ZNF814: variants seen among roughly 807,000 people sequenced by gnomAD.
The protein encoded by ZNF814 is zinc finger protein 814.
ZNF814 carries 5 observed loss-of-function variants against 7.5 expected under a neutral mutation model. The observed-to-expected ratio is 0.67, with a 90% confidence interval of 0.35 to 1.40. ZNF814 has a LOEUF of 1.40. Ranked by LOEUF, ZNF814 falls within the 40% of genes most tolerant of loss-of-function variation. The pLI is 0.04. For missense variants in ZNF814, 962 were observed against 1,018.0 expected (o/e 0.94, Z 0.75); for synonymous variants, 315 against 340.7 (o/e 0.92, Z 0.83).
At chr19:57,888,387 A>G (rs2071710415) in intron 1 of ZNF814, among the ~76,000 whole-genome samples, 1 of 151,918 alleles carries the variant, frequency 6.6e-6, no homozygotes, top group African/African-American at 2.4e-5. Flanking sequence ...GATTATCTCT[A>G]CCCTTACAAT....
chr19:57,892,591 T>C (rs1600142450), upstream of ZNF814, among the ~76,000 whole-genome samples: 1 of 152,210 alleles, frequency 6.6e-6, no homozygotes, highest in Non-Finnish European at 1.5e-5. Flanking sequence ...CTGATGGCTA[T>C]GGGTGACAGG....
At chr19:57,898,324 T>C in the ZNF814 span, among the ~76,000 whole-genome samples, 4 of 152,202 alleles carry the variant, frequency 2.6e-5, no homozygotes, top group Non-Finnish European at 4.4e-5. Flanking sequence ...TGGATCAGTA[T>C]AGTAATAACA....
At chr19:57,885,922 G>A (rs2071687946) in intron 1 of ZNF814, 1 of 147,520 alleles carries the variant, frequency 6.8e-6, no homozygotes, top group Admixed American at 6.8e-5. Flanking sequence ...GTTGTGGTGA[G>A]CTGTGATCAC....
intron 1 of ZNF814, among the ~76,000 whole-genome samples, chr19:57,879,173 C>T (rs1335107781): frequency 4.0e-5 from 6 of 148,352 alleles, no homozygotes; most frequent in Non-Finnish European, 8.9e-5. Context: ...CTAAAAGGAG[C>T]GGTGGTCTCA....
At chr19:57,894,691 G>T in the ZNF814 span, among the ~76,000 whole-genome samples, 1 of 151,698 alleles carries the variant, frequency 6.6e-6, no homozygotes, top group Non-Finnish European at 1.5e-5. Flanking sequence ...AAAATTAGCC[G>T]GGCGTGGTGG....
chr19:57,873,008 G>T lies in ZNF814; in HGVS notation c.2382C>A (p.His794Gln), dbSNP rs753985045. 4 of 1,613,948 alleles carry T rather than the reference G, an allele frequency of 2.5e-6. No homozygotes were observed. In the Admixed American group the frequency reaches 6.7e-5, roughly 27 times the overall value. Residue 794 changes from histidine to glutamine, a missense_variant, in exon 3 of 3, where the codon CAC (histidine) becomes CAA (glutamine). Physicochemically the swap from His to Gln is conservative, Grantham distance 24. Transcript: ENST00000435989. ...TGCACTCATAAGGCTTTTCTCCAGT[G>T]TGAACTCTTTTGTGTTTTGTGAAAC... ...SSSFTKHKRV[H>Q]TGEKPYECSE...
chr19:57,898,444 A>G, the ZNF814 span, among the ~76,000 whole-genome samples: 3 of 152,230 alleles, frequency 2.0e-5, no homozygotes, highest in Non-Finnish European at 4.4e-5. Context: ...ATCGAACCGC[A>G]TTAGGGTATC....
At chr19:57,902,214 G>A in the ZNF814 span, among the ~76,000 whole-genome samples, 3 of 152,182 alleles carry the variant, frequency 2.0e-5, no homozygotes, top group African/African-American at 4.8e-5. Flanking sequence ...AGGTGTGGAC[G>A]CTTGGCATTG....
In ZNF814 at chr19:57,873,163, GCC is replaced by G; in HGVS notation, c.2225_2226del (p.Arg742ThrfsTer3). On this transcript the variant is annotated frameshift_variant, in exon 3 of 3. Coordinates refer to ENST00000435989, the MANE Select transcript of ZNF814 (RefSeq NM_001144989.2). LOFTEE classifies it low-confidence loss of function (END_TRUNC). ...IAHQRVHTGE[R>X]PYECNDCGKS... ...TTTCCACAATCATTGCATTCATAAG[GCC>G]TTTCTCCAGTGTGAACTCTCTGATG... 6.2e-7 allele frequency: 1 copy of G among 1,613,668 alleles called. No individual in the cohort carries two copies. Among genetic ancestry groups the G allele is most frequent in the Non-Finnish European group, 8.5e-7 (1 of 1,179,888 alleles).
rs967503745 is a variant in ZNF814 at position 57,871,036 on chromosome 19, C to T, written c.*1786G>A. On this transcript the variant is annotated 3_prime_UTR_variant, in exon 3 of 3. Transcript: ENST00000435989. ...ATGAGTTGCAGTTACATTATTCTGT[C>T]TCCTCCACTGCCTATAAATAAAGTA... The T allele has an allele frequency of 3.3e-5, 5 of 152,086 alleles. No individual in the cohort carries two copies. The highest frequency in any genetic ancestry group is 1.2e-4 in the African/African-American group (5 of 41,428). 9.4% of individuals were successfully genotyped at this position (152,086 alleles called of 1,614,324 possible).
chr19:57,893,420 C>T (rs905502128), upstream of ZNF814, among the ~76,000 whole-genome samples: 3 of 151,682 alleles, frequency 2.0e-5, no homozygotes, highest in Non-Finnish European at 1.5e-5. Context: ...GTGATCTGCC[C>T]GCCTGGGCCC....
intron 1 of ZNF814, among the ~76,000 whole-genome samples, chr19:57,887,465 T>C (rs1321288656): frequency 1.3e-5 from 2 of 152,240 alleles, no homozygotes; most frequent in Non-Finnish European, 2.9e-5. Flanking sequence ...CGTTTGCTCC[T>C]ATATCTTTTT....
chr19:57,872,941 T>C lies in ZNF814; in HGVS notation c.2449A>G (p.Lys817Glu). ...TCTCCAGTGTGAACTCTCTTGTGTT[T>C]AGTGAGACTGGAGCTTTCAGCAAAA... ...KSFAESSSLT[K>E]HKRVHTGEKP... Residue 817 changes from lysine to glutamate, a missense_variant, in exon 3 of 3, where the codon AAA becomes GAA. Lys to Glu is a moderately conservative substitution (Grantham distance 56, BLOSUM62 1). Around this residue, in one of 7 missense-constraint regions of ZNF814, gnomAD observed 665 missense variants for 551.4 expected, o/e 1.21. Transcript: ENST00000435989. 6.2e-7 allele frequency: 1 copy of C among 1,613,588 alleles called. No homozygotes were observed. Among genetic ancestry groups the C allele is most frequent in the Non-Finnish European group, 8.5e-7 (1 of 1,179,850 alleles).
At chr19:57,886,956 G>C (rs2071698616) in intron 1 of ZNF814, among the ~76,000 whole-genome samples, 1 of 152,080 alleles carries the variant, frequency 6.6e-6, no homozygotes, top group Admixed American at 6.6e-5. Flanking sequence ...GGGAGGCTGA[G>C]GCGGGCGGAT....
In ZNF814 at chr19:57,873,377, G is replaced by T. The variant is rs769258910; in HGVS notation, c.2013C>A (p.His671Gln). Residue 671 changes from histidine to glutamine, a missense_variant, in exon 3 of 3, where the codon CAC (histidine) becomes CAA (glutamine). This residue lies in a region of ZNF814 where 665 missense variants were observed against 551.4 expected (regional missense o/e 1.21). Coordinates refer to ENST00000435989, the MANE Select transcript of ZNF814 (RefSeq NM_001144989.2). ...KCGECGKCFSHKGNLILHQHG... is the reference protein window; with the variant it reads ...KCGECGKCFSQKGNLILHQHG... Reference sequence around the variant, plus strand: ...GCTGGTGTAGAATGAGGTTACCCTTGTGACTAAAACATTTCCCACATTCCC... The same window carrying T: ...GCTGGTGTAGAATGAGGTTACCCTTTTGACTAAAACATTTCCCACATTCCC... 1 of 1,604,904 alleles carries T rather than the reference G, an allele frequency of 6.2e-7. No individual in the cohort carries two copies.
chr19:57,890,734 T>G (rs981741194), upstream of ZNF814, among the ~76,000 whole-genome samples: 8 of 152,180 alleles, frequency 5.3e-5, no homozygotes, highest in African/African-American at 1.9e-4. Flanking sequence ...GTTTACAGTC[T>G]TGTGGCCCCT....
rs372333305 is a variant in ZNF814, at chr19:57,869,487, A to C, written c.*3335T>G. ...CATTGGTTGTCTGGAGAACAGAAAGAAAGCCTTTATAAAAAGGTTCCAAGT... is the reference window on the plus strand; with the variant it reads ...CATTGGTTGTCTGGAGAACAGAAAGCAAGCCTTTATAAAAAGGTTCCAAGT... On this transcript the variant is annotated 3_prime_UTR_variant, in exon 3 of 3. Coordinates refer to ENST00000435989, the MANE Select transcript of ZNF814 (RefSeq NM_001144989.2). The C allele has an allele frequency of 2.6e-5, 4 of 152,152 alleles. No individual in the cohort carries two copies. In the East Asian group the frequency reaches 5.8e-4, roughly 22 times the overall value. The allele number at this position is 152,152 out of a possible 1,614,324, so 9.4% of individuals were successfully genotyped here. A position where few individuals can be genotyped will look rare whatever the true frequency, so the allele number is the denominator to read the frequency against.
intron 1 of ZNF814, 121 bp downstream of exon 1, chr19:57,888,646 G>T: frequency 7.8e-7 from 1 of 1,286,900 alleles, no homozygotes; most frequent in Non-Finnish European, 1.1e-6. Context: ...GGCCCCTCCC[G>T]CAAGCGCCTC....
rs1186283491 is a variant in ZNF814 at position 57,872,168 on chromosome 19, G to C, written c.*654C>G. Among the ~76,000 whole-genome samples the C allele has an allele frequency of 1.3e-5, 2 of 152,160 alleles. No individual in the cohort carries two copies. The highest frequency in any genetic ancestry group is 2.1e-4 in the South Asian group (1 of 4,818). Reference sequence around the variant, plus strand: ...ATGCACTGTAGCTGCCACACACTTGGAACTTTTGCAGATGCTCAATAAATG... The same window carrying C: ...ATGCACTGTAGCTGCCACACACTTGCAACTTTTGCAGATGCTCAATAAATG... On this transcript the variant is annotated 3_prime_UTR_variant, in exon 3 of 3. Transcript: ENST00000435989.
Sources: allele counts gnomAD v4.1 joint callset (sites outside exome capture counted in the v4.1 genomes callset), GRCh38; gene constraint gnomAD v4.1.1; regional missense constraint gnomAD v4.1.1; transcripts MANE v1.5; gene names NCBI Gene and HGNC (gene_info 2026-07-23, HGNC 2026-07-21).